WDFY3: variants seen among roughly 807,000 people sequenced by gnomAD.
The protein encoded by WDFY3 is WD repeat and FYVE domain-containing protein 3.
A neutral mutation model predicts 409.6 loss-of-function variants in WDFY3; 66 were observed. The ratio of observed to expected loss-of-function variants is 0.16; its 90% CI spans 0.13 to 0.20. The LOEUF (loss-of-function observed/expected upper bound fraction) is 0.20, where lower values mean the gene tolerates loss of function less well. WDFY3 is among the 10% of genes least tolerant of loss of function. WDFY3 has a pLI of 1.00. For missense variants in WDFY3, 3,031 were observed against 4,298.1 expected (o/e 0.71, Z 8.24); for synonymous variants, 1,521 against 1,537.1 (o/e 0.99, Z 0.25).
At chr4:84,817,663 T>A in intron 12 of WDFY3, 78 bp from the exon 13 acceptor site, 1 of 1,296,520 alleles carries the variant, frequency 7.7e-7, no homozygotes, top group East Asian at 2.4e-5. Flanking sequence ...AACATTCAGT[T>A]ATTTTTTGTA....
At chr4:84,964,885 C>T (rs779440805) in intron 1 of WDFY3, among the ~76,000 whole-genome samples, 3 of 152,226 alleles carry the variant, frequency 2.0e-5, no homozygotes, top group Non-Finnish European at 2.9e-5. Context: ...GCAGTAGAAA[C>T]CTCTTTCTAG....
chr4:84,758,798 A>C (rs1471138857), intron 32 of WDFY3, among the ~76,000 whole-genome samples: 3 of 152,210 alleles, frequency 2.0e-5, no homozygotes, highest in Admixed American at 6.5e-5. Flanking sequence ...GTGAGGCAGA[A>C]ATTACTATTA....
chr4:84,905,920 C>G (rs929120381), intron 2 of WDFY3, among the ~76,000 whole-genome samples: 1 of 152,184 alleles, frequency 6.6e-6, no homozygotes, highest in Non-Finnish European at 1.5e-5. Flanking sequence ...CCTCTCTTGA[C>G]AAGCCTTTTC....
At chr4:84,833,686 GAA>G (rs1491542426) in intron 7 of WDFY3, among the ~76,000 whole-genome samples, 91 of 151,784 alleles carry the variant, frequency 6.0e-4, no homozygotes, top group Middle Eastern at 3.4e-3. Flanking sequence ...GAAAAGAAAA[GAA>G]AAGAGAAGAG....
intron 1 of WDFY3, among the ~76,000 whole-genome samples, chr4:84,957,424 A>C (rs914666714): frequency 6.6e-6 from 1 of 152,202 alleles, no homozygotes; most frequent in South Asian, 2.1e-4. Flanking sequence ...TAAGTGACTC[A>C]TATCACTAAC....
At chr4:84,954,673 T>A (rs1774022844) in intron 1 of WDFY3, among the ~76,000 whole-genome samples, 1 of 152,238 alleles carries the variant, frequency 6.6e-6, no homozygotes, top group African/African-American at 2.4e-5. Flanking sequence ...TTTACATTTA[T>A]TCACTCAACA....
At chr4:84,854,717 T>C (rs749240363) in intron 4 of WDFY3, among the ~76,000 whole-genome samples, 60 of 152,168 alleles carry the variant, frequency 3.9e-4, no homozygotes, top group Non-Finnish European at 7.4e-4. Flanking sequence ...GAGACCAGCC[T>C]GGCCAACATG....
intron 38 of WDFY3, among the ~76,000 whole-genome samples, chr4:84,741,179 C>A (rs1738344320): frequency 6.6e-6 from 1 of 152,114 alleles, no homozygotes; most frequent in African/African-American, 2.4e-5. Flanking sequence ...TACAAACCTA[C>A]CAAACTGTAT....
At chr4:84,964,688 A>AT (rs111651705) in intron 1 of WDFY3, among the ~76,000 whole-genome samples, 20 of 147,648 alleles carry the variant, frequency 1.4e-4, no homozygotes, top group South Asian at 4.3e-4. Context: ...TTTTTGAAAC[A>AT]TTTTTTTTTT....
At chr4:84,788,992 C>T (rs1748012707) in intron 22 of WDFY3, among the ~76,000 whole-genome samples, 2 of 151,958 alleles carry the variant, frequency 1.3e-5, no homozygotes, top group South Asian at 4.2e-4. Context: ...TGCACTCCAG[C>T]CTGGGCGACA....
intron 3 of WDFY3, among the ~76,000 whole-genome samples, 158 bp downstream of exon 3, chr4:84,896,753 T>C (rs1370227713): frequency 1.3e-5 from 2 of 152,188 alleles, no homozygotes; most frequent in Non-Finnish European, 2.9e-5. Flanking sequence ...TTCCTAAATA[T>C]GATAGTACAG....
intron 30 of WDFY3, among the ~76,000 whole-genome samples, chr4:84,770,186 G>A (rs1302242518): frequency 1.3e-5 from 2 of 151,684 alleles, no homozygotes; most frequent in Admixed American, 6.6e-5. Context: ...CCACCACCAC[G>A]CCTGGCTAAT....
rs561708918 is a variant in WDFY3 at position 84,705,272 on chromosome 4, A to G, written c.8335+122T>C. On this transcript the variant is annotated intron_variant, in intron 54 of 67. Transcript: ENST00000295888. ...ATAATCTGCATATATGTGTGGACAT[A>G]TAATACATATAGATATGATATATAA... 2.6e-5 allele frequency: 19 copies of G among 742,902 alleles called. No homozygotes were observed. In the African/African-American group the frequency reaches 2.6e-4, roughly 10 times the overall value. 46.0% of individuals were successfully genotyped at this position (742,902 alleles called of 1,614,324 possible).
rs1367765982 is a variant in WDFY3, at chr4:84,789,853, C to A, written c.3542G>T (p.Arg1181Leu). 1 of 1,614,018 alleles carries A rather than the reference C, an allele frequency of 6.2e-7. No homozygotes were observed. Among genetic ancestry groups the A allele is most frequent in the Admixed American group, 1.7e-5 (1 of 59,992 alleles). The change falls in exon 22 of 68, where the codon CGC (arginine) becomes CTC (leucine). Residue 1181 changes from arginine to leucine, a missense_variant. This residue lies in a region of WDFY3 where 1,322 missense variants were observed against 1,697.9 expected (regional missense o/e 0.78). Transcript: ENST00000295888. ...AATGATAAGCTCTCCACATCGAAAG[C>A]GAGCACAGCATGGGAGAATTTCATA... is the stretch of plus-strand genomic sequence containing the variant. ...SFYEILPCCA[R>L]FRCGELIIEG... is the part of the protein sequence containing the mutation.
At chr4:84,941,215 T>C (rs1253237263) in intron 1 of WDFY3, among the ~76,000 whole-genome samples, 3 of 152,072 alleles carry the variant, frequency 2.0e-5, no homozygotes, top group East Asian at 1.9e-4. Context: ...TATATATAGA[T>C]AGAAAACCCC....
At chr4:84,839,656 G>A (rs1578759426) in intron 6 of WDFY3, among the ~76,000 whole-genome samples, 3 of 151,966 alleles carry the variant, frequency 2.0e-5, no homozygotes, top group Admixed American at 6.6e-5. Context: ...TCAGGAGTTC[G>A]GGACCAGCCT....
chr4:84,912,711 A>C (rs1767953871), intron 2 of WDFY3, among the ~76,000 whole-genome samples: 3 of 152,180 alleles, frequency 2.0e-5, no homozygotes, highest in African/African-American at 7.2e-5. Flanking sequence ...ACATCTGCCC[A>C]GGTTTTTATT....
chr4:84,707,250 G>A (rs942201452), intron 53 of WDFY3, among the ~76,000 whole-genome samples: 21 of 152,004 alleles, frequency 1.4e-4, no homozygotes, highest in African/African-American at 4.8e-4. Flanking sequence ...TTTAAACAGG[G>A]GGATGACTCA....
intron 2 of WDFY3, among the ~76,000 whole-genome samples, chr4:84,928,927 T>C (rs1335132120): frequency 6.6e-6 from 1 of 152,190 alleles, no homozygotes; most frequent in East Asian, 1.9e-4. Flanking sequence ...TGGCTCCCAA[T>C]GACCCTACCT....
Sources: allele counts gnomAD v4.1 joint callset (sites outside exome capture counted in the v4.1 genomes callset), GRCh38; gene constraint gnomAD v4.1.1; regional missense constraint gnomAD v4.1.1; transcripts MANE v1.5; gene names NCBI Gene and HGNC (gene_info 2026-07-23, HGNC 2026-07-21).